Variants in GABPB2 observed in about 807,000 individuals in gnomAD.
GABPB2 encodes GA binding protein transcription factor subunit beta 2, also known as GA-binding protein subunit beta-2.
GABPB2 carries 23 observed loss-of-function variants against 39.1 expected under a neutral mutation model. That is an observed-to-expected ratio of 0.59 (90% CI 0.42 to 0.83). The LOEUF is 0.83. GABPB2 is among the 40% of genes least tolerant of loss of function. GABPB2 has a pLI of 0.00. For missense variants in GABPB2, 467 were observed against 541.1 expected (o/e 0.86, Z 1.36); for synonymous variants, 184 against 199.3 (o/e 0.92, Z 0.65).
At position 151,110,005 on chromosome 1, in the gene GABPB2, A is replaced by ATTTTT. The variant is rs71577269; in HGVS notation, c.922+2816_922+2820dup. ...AATCATGTGCCACCATGCCCAGCTA[A>ATTTTT]TTTTTTTTTTTTTTTTTTTTTTTTT... On this transcript the variant is annotated intron_variant, in intron 7 of 8. Coordinates refer to ENST00000368918, the MANE Select transcript of GABPB2 (RefSeq NM_144618.3). Among the ~76,000 whole-genome samples the ATTTTT allele has an allele frequency of 2.3e-4, 14 of 60,760 alleles. 3 individuals are homozygous for ATTTTT. Among genetic ancestry groups the ATTTTT allele is most frequent in the African/African-American group, 2.8e-4 (6 of 21,216 alleles). 39.9% of individuals were successfully genotyped at this position (60,760 alleles called of 152,430 possible).
In GABPB2 at chr1:151,082,882, C is replaced by T. The variant is rs587697583; in HGVS notation, c.1-5308C>T. 1.9e-4 allele frequency among the ~76,000 whole-genome samples: 29 copies of T among 150,716 alleles called. No homozygotes were observed. In the East Asian group the frequency reaches 4.5e-3, roughly 23 times the overall value. On this transcript the variant is annotated intron_variant, in intron 1 of 8. Coordinates refer to ENST00000368918, the MANE Select transcript of GABPB2 (RefSeq NM_144618.3). Reference sequence around the variant, plus strand: ...TCCTAGCTACTCAAGAGGCTGAGGACGGAGGATTGCTTGAGCCCAGGAGTT... The same window carrying T: ...TCCTAGCTACTCAAGAGGCTGAGGATGGAGGATTGCTTGAGCCCAGGAGTT...
In GABPB2 at chr1:151,097,817, G is replaced by GT. The variant is rs762919036; in HGVS notation, c.472-34dup. ...AAAGACAGAAAAGAAAAGCTAATAA[G>GT]TGTTCTGATTGAAATATCCTGCCTT... On this transcript the variant is annotated intron_variant, in intron 4 of 8. Transcript: ENST00000368918. 1.0e-5 allele frequency: 16 copies of GT among 1,581,602 alleles called. No individual in the cohort carries two copies. In the African/African-American group the frequency reaches 2.2e-4, roughly 22 times the overall value.
chr1:151,111,637 C>T (rs1489399871), intron 7 of GABPB2, among the ~76,000 whole-genome samples: 1 of 151,290 alleles, frequency 6.6e-6, no homozygotes. Context: ...TGGTCTCGAT[C>T]TCCTGACCTC....
chr1:151,100,364 CG>C (rs1558147413), intron 5 of GABPB2, among the ~76,000 whole-genome samples: 1 of 151,324 alleles, frequency 6.6e-6, no homozygotes, highest in Non-Finnish European at 1.5e-5. Flanking sequence ...AGGCTGGTCT[CG>C]AACTCCTGAG....
chr1:151,080,434 C>T (rs1432409912), intron 1 of GABPB2, among the ~76,000 whole-genome samples: 1 of 146,656 alleles, frequency 6.8e-6, no homozygotes, highest in Non-Finnish European at 1.5e-5. Flanking sequence ...TCGCTTCAAC[C>T]CAGGAGGCAG....
intron 7 of GABPB2, among the ~76,000 whole-genome samples, chr1:151,111,616 G>T (rs993576428): frequency 6.6e-6 from 1 of 151,308 alleles, no homozygotes; most frequent in Admixed American, 6.6e-5. Flanking sequence ...AGTAGAGATG[G>T]GGTTTCACTG....
At chr1:151,093,046 G>T in intron 3 of GABPB2, 146 bp from the exon 4 acceptor site, 1 of 562,636 alleles carries the variant, frequency 1.8e-6, no homozygotes, top group Non-Finnish European at 2.8e-6. Context: ...GAGAATTTGA[G>T]AAATGTTTTT....
intron 1 of GABPB2, among the ~76,000 whole-genome samples, chr1:151,074,696 G>A (rs901424048): frequency 9.2e-5 from 14 of 152,094 alleles, no homozygotes; most frequent in African/African-American, 2.7e-4. Flanking sequence ...CATGGCACTG[G>A]TGGGAGTGTA....
intron 1 of GABPB2, among the ~76,000 whole-genome samples, chr1:151,071,153 G>T (rs192663118): frequency 3.3e-5 from 5 of 152,120 alleles, no homozygotes; most frequent in East Asian, 1.9e-4. Flanking sequence ...GGTGAAGAAG[G>T]GGGTGGGTGT....
chr1:151,107,865 G>T (rs1261013372), intron 7 of GABPB2, among the ~76,000 whole-genome samples: 1 of 152,004 alleles, frequency 6.6e-6, no homozygotes, highest in African/African-American at 2.4e-5. Flanking sequence ...AGCCCAGGAG[G>T]TTGAGGCTGT....
chr1:151,110,080 A>G (rs1055714282), intron 7 of GABPB2, among the ~76,000 whole-genome samples: 5 of 122,550 alleles, frequency 4.1e-5, no homozygotes, highest in Admixed American at 2.4e-4. Context: ...CAGGCTGGTC[A>G]CTAGCTCCTG....
At chr1:151,099,231 T>G (rs183673215) in intron 5 of GABPB2, among the ~76,000 whole-genome samples, 110 of 152,084 alleles carry the variant, frequency 7.2e-4, no homozygotes, top group African/African-American at 2.5e-3. Context: ...GGAGTCTCGC[T>G]GTGTTTCCCA....
In GABPB2 at chr1:151,120,591, T is replaced by C. The variant is rs1681147436; in HGVS notation, c.*2335T>C. On this transcript the variant is annotated 3_prime_UTR_variant, in exon 9 of 9. Coordinates refer to ENST00000368918, the MANE Select transcript of GABPB2 (RefSeq NM_144618.3). Reference sequence around the variant, plus strand: ...CAAAATCCAGGCTGTGTTTCCACAGTGCTGGGAAGTGGCCAGAAAAAGGCT... The same window carrying C: ...CAAAATCCAGGCTGTGTTTCCACAGCGCTGGGAAGTGGCCAGAAAAAGGCT... 1 of 152,058 alleles carries C rather than the reference T, an allele frequency of 6.6e-6. No homozygotes were observed. Among genetic ancestry groups the C allele is most frequent in the Non-Finnish European group, 1.5e-5 (1 of 68,020 alleles). 9.4% of individuals were successfully genotyped at this position (152,058 alleles called of 1,614,324 possible).
intron 1 of GABPB2, among the ~76,000 whole-genome samples, chr1:151,074,230 C>T (rs1676967684): frequency 6.6e-6 from 1 of 151,474 alleles, no homozygotes; most frequent in South Asian, 2.1e-4. Flanking sequence ...CCGCCTCAGC[C>T]TCCCAAAGTG....
Position 151,118,279 on chromosome 1 carries a change from C to T in GABPB2, c.*23C>T. The T allele has an allele frequency of 1.3e-6, 2 of 1,597,168 alleles. No individual in the cohort carries two copies. Among genetic ancestry groups the T allele is most frequent in the Non-Finnish European group, 1.7e-6 (2 of 1,168,530 alleles). The stretch of plus-strand genomic sequence containing the variant: ...TAATATGCAAGGGCCACAATTTGCA[C>T]TGTGTTCATATTAATCCTCTTTTAA... On this transcript the variant is annotated 3_prime_UTR_variant, in exon 9 of 9. Coordinates refer to ENST00000368918, the MANE Select transcript of GABPB2 (RefSeq NM_144618.3).
intron 7 of GABPB2, among the ~76,000 whole-genome samples, chr1:151,115,353 C>T (rs927776610): frequency 2.0e-5 from 3 of 151,662 alleles, no homozygotes; most frequent in African/African-American, 7.3e-5. Context: ...AATGAAACTC[C>T]GTCTCAAAAG....
At position 151,122,249 on chromosome 1, in the gene GABPB2, A is replaced by C. The variant is rs893469093; in HGVS notation, c.*3993A>C. ...CAGATCTGTTTTCTCCACAGATCTG[A>C]GTACTTAACACTTCCCAGATGATTG... is the stretch of plus-strand genomic sequence containing the variant. On this transcript the variant is annotated 3_prime_UTR_variant, in exon 9 of 9. Transcript: ENST00000368918. 5.9e-5 allele frequency: 9 copies of C among 152,184 alleles called. No homozygotes were observed. The highest frequency in any genetic ancestry group is 1.7e-4 in the African/African-American group (7 of 41,448). The allele number at this position is 152,184 out of a possible 1,614,324, so 9.4% of individuals were successfully genotyped here.
At chr1:151,080,230 A>AGC in intron 1 of GABPB2, among the ~76,000 whole-genome samples, 1 of 143,324 alleles carries the variant, frequency 7.0e-6, no homozygotes, top group Non-Finnish European at 1.5e-5. Context: ...AAAAAAAAAA[A>AGC]AAAAAAAAAA....
intron 1 of GABPB2, among the ~76,000 whole-genome samples, chr1:151,075,075 G>A (rs1677050332): frequency 6.6e-6 from 1 of 152,072 alleles, no homozygotes; most frequent in Admixed American, 6.6e-5. Context: ...ATTAGAGGCA[G>A]AGGTTGTGGC....
Sources: gnomAD v4.1 joint callset for allele counts (sites outside exome capture counted in the v4.1 genomes callset) on GRCh38, gnomAD v4.1.1 for gene constraint, MANE v1.5 for transcripts, NCBI Gene and HGNC (gene_info 2026-07-23, HGNC 2026-07-21) for gene names.